NBPF12: variants seen among roughly 807,000 people sequenced by gnomAD.
NBPF12 encodes the protein NBPF family member NBPF12.
In NBPF12, 115 loss-of-function variants were observed where a neutral mutation model predicts 146.4. The observed-to-expected ratio is 0.79, with a 90% CI of 0.68 to 0.92. The LOEUF (loss-of-function observed/expected upper bound fraction) is 0.92. Among genes scored for constraint, NBPF12 ranks in the 40% least tolerant of loss-of-function variants. The pLI is 0.00. For missense variants in NBPF12, 1,205 were observed against 1,326.8 expected (o/e 0.91, Z 1.43); for synonymous variants, 385 against 508.9 (o/e 0.76, Z 3.28).
chr1:146,972,434 A>G (rs1463852589), intron 13 of NBPF12, among the ~76,000 whole-genome samples: 1 of 151,476 alleles, frequency 6.6e-6, no homozygotes, highest in Non-Finnish European at 1.5e-5. Context: ...AAATTAAAAA[A>G]GCAAAATGAA....
chr1:146,984,284 G>T, intron 21 of NBPF12, 99 bp downstream of exon 24: 1 of 810,800 alleles, frequency 1.2e-6, no homozygotes, highest in South Asian at 1.3e-5. Flanking sequence ...ATTTTGTCTT[G>T]TCAGACAAGT....
chr1:146,964,408 T>TA lies in NBPF12; in HGVS notation c.546dup (p.Leu183ThrfsTer13). 1 of 1,601,624 alleles carries TA rather than the reference T, an allele frequency of 6.2e-7. No homozygotes were observed. The highest frequency in any genetic ancestry group is 8.5e-7 in the Non-Finnish European group (1 of 1,170,206). ...GTTCAAGTTGAGGAGGATGAGAAAG[T>TA]ACTGGAATCATCTGCCCCCAGGTAA... On this transcript the variant is annotated frameshift_variant, in exon 7 of 34. Coordinates refer to ENST00000617844, the Ensembl canonical transcript of NBPF12. LOFTEE classifies it high-confidence loss of function.
intron 2 of NBPF12, among the ~76,000 whole-genome samples, chr1:146,955,027 C>CAT (rs1406127986): frequency 7.7e-5 from 7 of 91,436 alleles, no homozygotes; most frequent in East Asian, 3.1e-4. Flanking sequence ...CACACACACA[C>CAT]ATATATATAT....
rs1388421333 is a variant in NBPF12, at chr1:146,954,881, C to A, written c.-184+3392C>A. 1.0e-3 allele frequency among the ~76,000 whole-genome samples: 105 copies of A among 102,966 alleles called. 2 individuals carry two copies. The highest frequency in any genetic ancestry group is 1.1e-3 in the East Asian group (4 of 3,564). The allele number at this position is 102,966 out of a possible 152,430, so 67.5% of individuals were successfully genotyped here. A position where few individuals can be genotyped will look rare whatever the true frequency, so the allele number is the denominator to read the frequency against. On this transcript the variant is annotated intron_variant, in intron 2 of 33. Coordinates refer to ENST00000617844, the Ensembl canonical transcript of NBPF12. ...AGGACATATATATATGTATACACAC[C>A]CACACACACACACACAAACGTGTGT...
exon 8 of NBPF12, chr1:146,964,955 C>A: frequency 1.2e-6 from 2 of 1,608,340 alleles, no homozygotes; most frequent in Non-Finnish European, 1.7e-6. Flanking sequence ...TGTGCCATCA[C>A]TTGTTCAAAT....
At chr1:146,994,740 A>C (rs4950314) in exon 34 of NBPF12, 132,187 of 1,189,322 alleles carry the variant, frequency 0.11, 8,734 homozygotes, top group Admixed American at 0.27. Flanking sequence ...ACCTGTGCTC[A>C]GTCTGAAGAC....
intron 12 of NBPF12, 61 bp downstream of exon 15, chr1:146,970,780 A>G: frequency 8.0e-7 from 1 of 1,249,022 alleles, no homozygotes; most frequent in Non-Finnish European, 1.2e-6. Context: ...TCTAGGAGGC[A>G]TGCCCTCTCT....
At chr1:146,972,413 A>G (rs1461370162) in intron 13 of NBPF12, among the ~76,000 whole-genome samples, 1 of 150,838 alleles carries the variant, frequency 6.6e-6, no homozygotes, top group African/African-American at 2.5e-5. Flanking sequence ...ACAAAAAACC[A>G]AAAAAGAAAA....
chr1:146,951,014 A>G (rs1168633465), intron 1 of NBPF12, among the ~76,000 whole-genome samples: 2 of 152,070 alleles, frequency 1.3e-5, no homozygotes, highest in African/African-American at 4.8e-5. Flanking sequence ...ATACTATTGT[A>G]CATTCCAACC....
Position 146,984,812 on chromosome 1 carries a change from G to C in NBPF12, c.2667-1G>C, listed in dbSNP as rs1657648946. ...TTCTTTACTTTTTCCCACTTTTCCA[G>C]GCTCAGCAGGGAGCTGCTGGCTGAG... On this transcript the variant is annotated splice_acceptor_variant, in intron 21 of 33. Coordinates refer to ENST00000617844, the Ensembl canonical transcript of NBPF12. LOFTEE classifies it high-confidence loss of function. 6.8e-7 allele frequency: 1 copy of C among 1,472,850 alleles called. No homozygotes were observed. Among genetic ancestry groups the C allele is most frequent in the Non-Finnish European group, 9.5e-7 (1 of 1,052,270 alleles). The allele number at this position is 1,472,850 out of a possible 1,614,324, so 91.2% of individuals were successfully genotyped here.
chr1:146,989,486 A>T (rs1559530906), intron 27 of NBPF12, 88 bp from the exon 31 acceptor site: 1 of 1,253,082 alleles, frequency 8.0e-7, no homozygotes, highest in Non-Finnish European at 1.2e-6. Flanking sequence ...TTTTCTAACC[A>T]CTTCCTTATG....
chr1:146,969,894 G>T lies in NBPF12; in HGVS notation c.1306+298G>T, dbSNP rs1208459466. Reference sequence around the variant, plus strand: ...CTGTGATGGGAGGGCGCTTGTTGGAGTGAAAAGAGCTCTGGGCTAAGAATG... The same window carrying T: ...CTGTGATGGGAGGGCGCTTGTTGGATTGAAAAGAGCTCTGGGCTAAGAATG... On this transcript the variant is annotated intron_variant, in intron 11 of 33. Coordinates refer to ENST00000617844, the Ensembl canonical transcript of NBPF12. Among the ~76,000 whole-genome samples the T allele has an allele frequency of 5.7e-4, 86 of 151,054 alleles. 4 individuals carry two copies. Among genetic ancestry groups the T allele is most frequent in the African/African-American group, 2.0e-3 (80 of 40,748 alleles).
chr1:146,973,063 A>G (rs1282998065), intron 14 of NBPF12, 103 bp downstream of exon 17: 12 of 683,424 alleles, frequency 1.8e-5, no homozygotes, highest in South Asian at 6.6e-5. Context: ...CATCCTCCCC[A>G]TACTTCTAGG....
intron 16 of NBPF12, among the ~76,000 whole-genome samples, chr1:146,976,383 C>T (rs1359457647): frequency 1.6e-4 from 22 of 135,036 alleles, no homozygotes; most frequent in African/African-American, 6.6e-4. Flanking sequence ...TGAGATGAAG[C>T]CCCTCTCCGT....
chr1:146,952,396 C>T (rs1363558334), intron 2 of NBPF12, among the ~76,000 whole-genome samples: 1 of 152,202 alleles, frequency 6.6e-6, no homozygotes, highest in East Asian at 1.9e-4. Flanking sequence ...GTGTACTCTT[C>T]AAAACATAAT....
At position 146,971,206 on chromosome 1, in the gene NBPF12, G is replaced by A. The variant is rs1277639514; in HGVS notation, c.1403G>A (p.Ser468Asn). Residue 468 changes from serine (S) to asparagine (N), a missense_variant, in exon 13 of 34, where the codon AGC becomes AAC. Ser to Asn is a conservative substitution (Grantham distance 46). Transcript: ENST00000617844. ...AGGGAGATGCAGAAGGCTGAAGAAA[G>A]CAAAGTCCCTGAGGACTCACTGGAG... The A allele has an allele frequency of 1.2e-4, 194 of 1,611,692 alleles. 2 individuals are homozygous for A. Among genetic ancestry groups the A allele is most frequent in the Non-Finnish European group, 1.5e-4 (182 of 1,179,758 alleles).
At chr1:146,954,969 A>AATATATATATATAT (rs1171967177) in intron 2 of NBPF12, among the ~76,000 whole-genome samples, 5 of 53,500 alleles carry the variant, frequency 9.3e-5, no homozygotes, top group Non-Finnish European at 1.7e-4. Context: ...CCAAATAGGG[A>AATATATATATATAT]ATATATATAT....
intron 33 of NBPF12, 43 bp from the exon 37 acceptor site, chr1:146,994,289 T>A: frequency 6.2e-7 from 1 of 1,611,288 alleles, no homozygotes; most frequent in Non-Finnish European, 8.5e-7. Context: ...CTGTGGTGTC[T>A]GACTTTCCCT....
chr1:146,967,487 C>T (rs1455091012), intron 9 of NBPF12, among the ~76,000 whole-genome samples: 11 of 148,842 alleles, frequency 7.4e-5, no homozygotes, highest in Non-Finnish European at 1.6e-4. Context: ...GGTGACAGGG[C>T]AAGACTGTTA....
Sources: gnomAD v4.1 joint callset for allele counts (sites outside exome capture counted in the v4.1 genomes callset) on GRCh38, gnomAD v4.1.1 for gene constraint, MANE v1.5 for transcripts, NCBI Gene and HGNC (gene_info 2026-07-23, HGNC 2026-07-21) for gene names.